MICAL2: variants seen among roughly 807,000 people sequenced by gnomAD.
MICAL2 encodes the protein [F-actin]-monooxygenase MICAL2.
MICAL2 carries 77 observed loss-of-function variants against 127.3 expected under a neutral mutation model. The ratio of observed to expected loss-of-function variants is 0.60; its 90% CI spans 0.50 to 0.73. The LOEUF (loss-of-function observed/expected upper bound fraction) is 0.73. Among genes scored for constraint, MICAL2 ranks in the 30% least tolerant of loss-of-function variants. The probability of loss-of-function intolerance (pLI) is 0.00; values close to 1 mark genes in which losing one functional copy is unlikely to be tolerated. For missense variants in MICAL2, 1,351 were observed against 1,434.4 expected, an observed-to-expected ratio of 0.94 and a Z score of 0.94; for synonymous variants, 570 against 551.1, an observed-to-expected ratio of 1.03 and a Z score of -0.48.
chr11:12,283,850 T>C (rs1863796906), intron 2 of MICAL2, among the ~76,000 whole-genome samples: 1 of 152,220 alleles, frequency 6.6e-6, no homozygotes, highest in African/African-American at 2.4e-5. Context: ...TCACACCCTA[T>C]GTTATGGAGG....
downstream of MICAL2, among the ~76,000 whole-genome samples, chr11:12,296,163 A>G (rs1863983325): frequency 6.6e-6 from 1 of 152,122 alleles, no homozygotes; most frequent in African/African-American, 2.4e-5. Flanking sequence ...AAACATTCAC[A>G]TGAGTTCTTT....
chr11:12,168,261 AATACAT>A (rs1170512441), intron 3 of MICAL2, among the ~76,000 whole-genome samples: 11 of 150,670 alleles, frequency 7.3e-5, no homozygotes, highest in African/African-American at 2.7e-4. Context: ...TAGATACACA[AATACAT>A]ATACACCACA....
intron 29 of MICAL2, among the ~76,000 whole-genome samples, chr11:12,298,596 TC>T (rs1241371299): frequency 6.6e-6 from 1 of 152,182 alleles, no homozygotes; most frequent in Non-Finnish European, 1.5e-5. Flanking sequence ...CTGGTGTTTT[TC>T]CCAGTTAAGC....
chr11:12,158,087 T>C (rs1854384704), intron 2 of MICAL2, among the ~76,000 whole-genome samples: 1 of 152,170 alleles, frequency 6.6e-6, no homozygotes, highest in African/African-American at 2.4e-5. Context: ...TTTGAAGCTT[T>C]TTGAGTGCTG....
At chr11:12,190,361 C>T (rs1476292928) in intron 3 of MICAL2, among the ~76,000 whole-genome samples, 1 of 152,122 alleles carries the variant, frequency 6.6e-6, no homozygotes, top group African/African-American at 2.4e-5. Flanking sequence ...ATCCAACCCC[C>T]AGAAGATGGA....
intron 29 of MICAL2, among the ~76,000 whole-genome samples, chr11:12,305,607 A>C (rs1221092746): frequency 6.6e-6 from 1 of 152,180 alleles, no homozygotes; most frequent in African/African-American, 2.4e-5. Flanking sequence ...TACTGTAATA[A>C]AAGTTGTGTG....
At chr11:12,222,537 A>AGGGGGAAG in intron 10 of MICAL2, 80 bp from the exon 11 acceptor site, 1 of 1,575,952 alleles carries the variant, frequency 6.3e-7, no homozygotes, top group Non-Finnish European at 8.7e-7. Flanking sequence ...AGCCAGAGGA[A>AGGGGGAAG]GGGGGAAGTA....
chr11:12,291,724 T>C (rs1863904286), downstream of MICAL2, among the ~76,000 whole-genome samples: 1 of 152,264 alleles, frequency 6.6e-6, no homozygotes, highest in Admixed American at 6.5e-5. Context: ...TCTGTGCCCA[T>C]GGCTAAAGGT....
Position 12,211,238 on chromosome 11 carries a change from G to A in MICAL2, c.691+1640G>A, listed in dbSNP as rs568112740. On this transcript the variant is annotated intron_variant, in intron 6 of 27. Transcript: ENST00000683283. ...CTACTAAAAACACAAAAAATTAGCC[G>A]GGCATGGTGGCACGTACCTGTAGTC... Among the ~76,000 whole-genome samples, 212 of 152,170 alleles carry A rather than the reference G, an allele frequency of 1.4e-3. 1 individual carries two copies. Among genetic ancestry groups the A allele is most frequent in the African/African-American group, 4.5e-3 (186 of 41,518 alleles).
At chr11:12,242,507 G>T (rs1860118572) in intron 19 of MICAL2, 75 bp downstream of exon 19, 2 of 1,518,116 alleles carry the variant, frequency 1.3e-6, no homozygotes, top group Non-Finnish European at 1.8e-6. Flanking sequence ...CCTCCTACCC[G>T]GGTGGGTTCC....
intron 32 of MICAL2, among the ~76,000 whole-genome samples, chr11:12,329,115 C>T (rs1864385991): frequency 6.6e-6 from 1 of 152,234 alleles, no homozygotes; most frequent in South Asian, 2.1e-4. Flanking sequence ...TATCCATAGC[C>T]AGTGCCTGGC....
intron 2 of MICAL2, among the ~76,000 whole-genome samples, chr11:12,152,451 C>A (rs77706867): frequency 0.034 from 5,239 of 152,106 alleles, 124 homozygotes; most frequent in Non-Finnish European, 0.04. Flanking sequence ...TTATTTAGGG[C>A]ACCACCCACT....
chr11:12,259,772 C>A lies in MICAL2; in HGVS notation c.3232-23C>A, dbSNP rs1382897193. ...CTCTGGAAGACTTACAGACAAATGC[C>A]CTCATTTCCATCTCTTTCTCAGGAG... On this transcript the variant is annotated intron_variant, in intron 25 of 27. Transcript: ENST00000683283. 4 of 1,522,048 alleles carry A rather than the reference C, an allele frequency of 2.6e-6. No individual in the cohort carries two copies. The South Asian group carries it at 5.2e-5, about 20-fold the overall frequency. The allele number at this position is 1,522,048 out of a possible 1,614,324, so 94.3% of individuals were successfully genotyped here. A position where few individuals can be genotyped will look rare whatever the true frequency, so the allele number is the denominator to read the frequency against.
At chr11:12,174,098 A>G (rs1856575001) in intron 3 of MICAL2, among the ~76,000 whole-genome samples, 1 of 152,182 alleles carries the variant, frequency 6.6e-6, no homozygotes, top group Non-Finnish European at 1.5e-5. Context: ...AGTTGAAAAA[A>G]GTAGATTTAC....
intron 3 of MICAL2, among the ~76,000 whole-genome samples, chr11:12,187,326 T>C (rs1392166636): frequency 6.6e-6 from 1 of 152,266 alleles, no homozygotes; most frequent in Non-Finnish European, 1.5e-5. Context: ...TTGTGAATTA[T>C]GTGTGCTTCA....
intron 1 of MICAL2, among the ~76,000 whole-genome samples, chr11:12,137,001 G>A (rs189312539): frequency 6.6e-6 from 1 of 152,314 alleles, no homozygotes; most frequent in East Asian, 1.9e-4. Flanking sequence ...TCTGTACCAG[G>A]ATGTCCAGCT....
intron 1 of MICAL2, among the ~76,000 whole-genome samples, chr11:12,113,670 T>C (rs1231082988): frequency 1.3e-5 from 2 of 152,282 alleles, no homozygotes; most frequent in African/African-American, 4.8e-5. Context: ...TATATTGTTA[T>C]AATTGTTCTA....
At chr11:12,255,400 C>T in intron 22 of MICAL2, 2 of 513,078 alleles carry the variant, frequency 3.9e-6, no homozygotes, top group Admixed American at 3.2e-5. Context: ...CTAGGTACCA[C>T]ATATAAGTGG....
At chr11:12,112,512 T>C (rs1453804467) in intron 1 of MICAL2, among the ~76,000 whole-genome samples, 4 of 147,656 alleles carry the variant, frequency 2.7e-5, no homozygotes, top group Non-Finnish European at 6.0e-5. Context: ...AAATAACCTC[T>C]ACCTTAGGAC....
Sources: gnomAD v4.1 joint callset for allele counts (sites outside exome capture counted in the v4.1 genomes callset) on GRCh38, gnomAD v4.1.1 for gene constraint, MANE v1.5 for transcripts, NCBI Gene and HGNC (gene_info 2026-07-23, HGNC 2026-07-21) for gene names.